SP140L: variants seen among roughly 807,000 people sequenced by gnomAD.
The protein encoded by SP140L is nuclear body protein SP140-like protein.
SP140L carries 64 observed loss-of-function variants against 84.3 expected under a neutral mutation model. The observed-to-expected ratio is 0.76, with a 90% CI of 0.62 to 0.94. The LOEUF (loss-of-function observed/expected upper bound fraction) is 0.94, where lower values mean the gene tolerates loss of function less well. SP140L is among the 40% of genes least tolerant of loss of function. The pLI is 0.00. For synonymous variants in SP140L, 242 were observed against 236.9 expected (o/e 1.02, Z -0.20); for missense variants, 628 against 692.5 (o/e 0.91, Z 1.05).
chr2:230,354,881 G>GAAAGAAAGAAAGAAAGAAAGAAAGA (rs565359776), intron 2 of SP140L, among the ~76,000 whole-genome samples: 3,902 of 125,528 alleles, frequency 0.031, 133 homozygotes, highest in East Asian at 0.082. Context: ...AAGAAAGAAA[G>GAAAGAAAGAAAGAAAGAAAGAAAGA]AAAGAAAGAA....
At position 230,403,588 on chromosome 2, in the gene SP140L, C is replaced by T. The variant is rs1424050020; in HGVS notation, c.*692C>T. On this transcript the variant is annotated 3_prime_UTR_variant, in exon 19 of 19. Transcript: ENST00000415673. ...TTCACTCTCCCACTTCTGTGGTCAA[C>T]TCCCTGCAGAACTCCCAAACTGCCG... The T allele has an allele frequency of 1.3e-5, 2 of 152,300 alleles. No homozygotes were observed. Among genetic ancestry groups the T allele is most frequent in the African/African-American group, 4.8e-5 (2 of 41,456 alleles). 9.4% of individuals were successfully genotyped at this position (152,300 alleles called of 1,614,324 possible). A position where few individuals can be genotyped will look rare whatever the true frequency, so the allele number is the denominator to read the frequency against.
intron 13 of SP140L, among the ~76,000 whole-genome samples, chr2:230,395,694 C>T (rs2062018236): frequency 6.6e-6 from 1 of 152,378 alleles, no homozygotes; most frequent in East Asian, 1.9e-4. Context: ...GGTCACCTCT[C>T]AGGTGCTTGT....
At chr2:230,387,379 A>G (rs112501448) in intron 9 of SP140L, among the ~76,000 whole-genome samples, 1,894 of 152,286 alleles carry the variant, frequency 0.012, 43 homozygotes, top group African/African-American at 0.043. Context: ...GTAATTATCA[A>G]TATTGGTTCC....
intron 1 of SP140L, 142 bp from the exon 2 acceptor site, chr2:230,328,615 C>T: frequency 3.7e-6 from 4 of 1,094,948 alleles, no homozygotes; most frequent in Non-Finnish European, 5.0e-6. Flanking sequence ...TATCAATAAG[C>T]TATAATAATG....
In SP140L at chr2:230,327,222, A is replaced by T. The variant is rs766202642; in HGVS notation, c.-48A>T. 28 of 1,585,568 alleles carry T rather than the reference A, an allele frequency of 1.8e-5. No individual in the cohort carries two copies. The Middle Eastern group carries it at 9.9e-4, about 56-fold the overall frequency. ...TGCACGCAGGCTGGGCCGACTGGGGAGCTCATAGGCCAGGCTCTGACACCC... is the reference window on the plus strand; with the variant it reads ...TGCACGCAGGCTGGGCCGACTGGGGTGCTCATAGGCCAGGCTCTGACACCC... On this transcript the variant is annotated 5_prime_UTR_variant, in exon 1 of 19. Coordinates refer to ENST00000415673, the MANE Select transcript of SP140L (RefSeq NM_138402.6).
chr2:230,352,526 G>A (rs1287829990), intron 2 of SP140L, among the ~76,000 whole-genome samples: 1 of 152,008 alleles, frequency 6.6e-6, no homozygotes, highest in East Asian at 1.9e-4. Context: ...ACAGTATGGG[G>A]GAATCCACCC....
chr2:230,383,891 G>A (rs2061485259), intron 8 of SP140L, among the ~76,000 whole-genome samples: 1 of 152,088 alleles, frequency 6.6e-6, no homozygotes, highest in Non-Finnish European at 1.5e-5. Flanking sequence ...AGTGAAGAAA[G>A]CAAGGTGTAT....
intron 2 of SP140L, among the ~76,000 whole-genome samples, chr2:230,339,204 T>A (rs143434337): frequency 6.6e-6 from 1 of 151,876 alleles, no homozygotes; most frequent in Non-Finnish European, 1.5e-5. Flanking sequence ...GAGATTCAAC[T>A]TCTTCCTGGT....
rs761352880 is a variant in SP140L at position 230,361,628 on chromosome 2, T to C, written c.454T>C (p.Leu152=). Reference sequence around the variant, plus strand: ...CCACTCTTCAGCAATCCAAGACAAATTGTCTTTCCAAGAAAGTGATCGAAA... The same window carrying C: ...CCACTCTTCAGCAATCCAAGACAAACTGTCTTTCCAAGAAAGTGATCGAAA... ...KSFKNAIQDK[L]SFQESDRKER... is the part of the protein sequence containing the mutation. Residue 152 remains leucine (L), a synonymous_variant, in exon 5 of 19, where the codon TTG becomes CTG. Coordinates refer to ENST00000415673, the MANE Select transcript of SP140L (RefSeq NM_138402.6). 6.4e-6 allele frequency: 10 copies of C among 1,559,714 alleles called. No individual in the cohort carries two copies. The East Asian group carries it at 2.1e-4, about 33-fold the overall frequency.
chr2:230,349,893 C>A (rs113406251), intron 2 of SP140L, among the ~76,000 whole-genome samples: 3,945 of 152,186 alleles, frequency 0.026, 175 homozygotes, highest in African/African-American at 0.09. Flanking sequence ...CCTGTAATTC[C>A]AGCTACTAGG....
At chr2:230,373,543 C>T (rs545739133) in intron 7 of SP140L, among the ~76,000 whole-genome samples, 3 of 152,302 alleles carry the variant, frequency 2.0e-5, no homozygotes, top group African/African-American at 7.2e-5. Flanking sequence ...GCATGGTTTA[C>T]TGAATATTTT....
At chr2:230,386,551 G>T (rs1168589472) in intron 9 of SP140L, among the ~76,000 whole-genome samples, 2 of 152,044 alleles carry the variant, frequency 1.3e-5, no homozygotes, top group East Asian at 1.9e-4. Flanking sequence ...ATTGTTAAAT[G>T]GGTATTACAG....
At chr2:230,371,912 A>T (rs1359458211) in intron 7 of SP140L, 4 of 421,708 alleles carry the variant, frequency 9.5e-6, no homozygotes, top group Non-Finnish European at 1.8e-5. Context: ...TGGTGGGCCC[A>T]ATCTAATCTT....
intron 5 of SP140L, among the ~76,000 whole-genome samples, chr2:230,370,219 T>G (rs2061018616): frequency 6.6e-6 from 1 of 152,160 alleles, no homozygotes; most frequent in African/African-American, 2.4e-5. Flanking sequence ...AGCATGGCTG[T>G]TATGTGTCAG....
At chr2:230,374,456 A>T (rs1373694832) in intron 7 of SP140L, among the ~76,000 whole-genome samples, 1 of 152,220 alleles carries the variant, frequency 6.6e-6, no homozygotes, top group Non-Finnish European at 1.5e-5. Flanking sequence ...CCTGGGAAAG[A>T]TGCTGTGAAC....
intron 3 of SP140L, 64 bp downstream of exon 3, chr2:230,358,031 G>A (rs2060602502): frequency 6.4e-7 from 1 of 1,572,826 alleles, no homozygotes; most frequent in Non-Finnish European, 8.7e-7. Flanking sequence ...ATTTCTGTAA[G>A]TGCTCCTGTA....
chr2:230,328,802 T>C lies in SP140L; in HGVS notation c.78T>C (p.His26=), dbSNP rs746589117. ...CACAAGTAGCAAATGAGATGAACCATCTTCCTGCACACAGCCAAAGTCTGC... is the reference window on the plus strand; with the variant it reads ...CACAAGTAGCAAATGAGATGAACCACCTTCCTGCACACAGCCAAAGTCTGC... The part of the protein sequence containing the change: ...GVSQVANEMN[H]LPAHSQSLQR... The change falls in exon 2 of 19, where the codon CAT becomes CAC. Residue 26 remains histidine, a synonymous_variant. Transcript: ENST00000415673. 1.2e-6 allele frequency: 2 copies of C among 1,612,676 alleles called. No homozygotes were observed. The highest frequency in any genetic ancestry group is 4.5e-5 in the East Asian group (2 of 44,842).
At chr2:230,361,526 T>C (rs926543762) in intron 4 of SP140L, 88 bp from the exon 5 acceptor site, 2 of 937,372 alleles carry the variant, frequency 2.1e-6, no homozygotes, top group Non-Finnish European at 3.4e-6. Context: ...GTCAGCCTAA[T>C]GCTGGAAATT....
chr2:230,384,233 A>G (rs905413592), intron 8 of SP140L, among the ~76,000 whole-genome samples: 3 of 152,214 alleles, frequency 2.0e-5, no homozygotes, highest in Admixed American at 1.3e-4. Flanking sequence ...AAGGCAACAT[A>G]TGCAAAAAGA....
Sources: gnomAD v4.1 joint callset for allele counts (sites outside exome capture counted in the v4.1 genomes callset) on GRCh38, gnomAD v4.1.1 for gene constraint, MANE v1.5 for transcripts, NCBI Gene and HGNC (gene_info 2026-07-23, HGNC 2026-07-21) for gene names.